Variants in CELF2 observed in about 807,000 individuals in gnomAD.
CELF2 encodes CUG triplet repeat RNA-binding protein 2.
In CELF2, 8 loss-of-function variants were observed where a neutral mutation model predicts 62.6. That is an observed-to-expected ratio of 0.13 (90% CI 0.07 to 0.23). CELF2 has a LOEUF of 0.23. CELF2 is among the 10% of genes least tolerant of loss of function. The pLI, the probability that CELF2 is intolerant of heterozygous loss-of-function variation, is 1.00. For missense variants in CELF2, 333 were observed against 671.0 expected (o/e 0.50, Z 5.56); for synonymous variants, 258 against 250.0 (o/e 1.03, Z -0.30).
chr10:11,042,002 ATAGT>A (rs2061930365), intron 1 of CELF2, among the ~76,000 whole-genome samples: 1 of 152,228 alleles, frequency 6.6e-6, no homozygotes, highest in South Asian at 2.1e-4. Context: ...TTATGGGTAC[ATAGT>A]TAGCCATGGG....
chr10:10,716,104 C>A, the CELF2 span, among the ~76,000 whole-genome samples: 5 of 152,100 alleles, frequency 3.3e-5, no homozygotes, highest in East Asian at 7.7e-4. Context: ...CCTAGGTGGC[C>A]CCTGGATATA....
intron 1 of CELF2, among the ~76,000 whole-genome samples, chr10:11,032,800 AC>A (rs2060335582): frequency 6.6e-6 from 1 of 152,222 alleles, no homozygotes; most frequent in African/African-American, 2.4e-5. Context: ...TCTGTGTCTG[AC>A]AGGATGATAT....
the CELF2 span, among the ~76,000 whole-genome samples, chr10:10,634,168 CTA>C: frequency 2.6e-5 from 4 of 151,934 alleles, no homozygotes; most frequent in Non-Finnish European, 4.4e-5. Context: ...CTATATGATG[CTA>C]TGTTTTTCTA....
chr10:10,729,743 C>T, the CELF2 span, among the ~76,000 whole-genome samples: 13 of 151,982 alleles, frequency 8.6e-5, no homozygotes, highest in Non-Finnish European at 1.5e-4. Context: ...CATGCCACTG[C>T]ACTCCACCCT....
the CELF2 span, among the ~76,000 whole-genome samples, chr10:10,493,090 G>T: frequency 4.6e-5 from 7 of 152,208 alleles, no homozygotes; most frequent in African/African-American, 1.4e-4. Flanking sequence ...AAACTGATAC[G>T]GTCACCCTCT....
At chr10:11,161,415 G>A (rs748604017) in intron 1 of CELF2, among the ~76,000 whole-genome samples, 15 of 152,204 alleles carry the variant, frequency 9.9e-5, no homozygotes, top group Non-Finnish European at 1.9e-4. Flanking sequence ...ACCGAGTTGG[G>A]AAATGTCCAC....
In CELF2 at chr10:11,196,664, A is replaced by C. The variant is rs377675683; in HGVS notation, c.272-20761A>C. The stretch of plus-strand genomic sequence containing the variant: ...CCTCTCTCTTTAAAAAAAACAAAAC[A>C]AAACAAAACAGAACCGGGCGCAGTG... On this transcript the variant is annotated intron_variant, in intron 2 of 12. Transcript: ENST00000633077. Among the ~76,000 whole-genome samples the C allele has an allele frequency of 3.3e-3, 494 of 151,604 alleles. 5 individuals carry two copies. Among genetic ancestry groups the C allele is most frequent in the African/African-American group, 0.011 (463 of 41,244 alleles).
chr10:10,593,348 T>C, the CELF2 span, among the ~76,000 whole-genome samples: 3 of 152,224 alleles, frequency 2.0e-5, no homozygotes, highest in African/African-American at 7.2e-5. Flanking sequence ...AGGTCTCCAG[T>C]AGAATGACTT....
At chr10:11,121,904 A>C (rs1013853171) in intron 1 of CELF2, among the ~76,000 whole-genome samples, 1 of 152,138 alleles carries the variant, frequency 6.6e-6, no homozygotes, top group Non-Finnish European at 1.5e-5. Context: ...TTAACTGAGG[A>C]AATGTACTCC....
intron 1 of CELF2, among the ~76,000 whole-genome samples, chr10:10,911,087 C>A (rs975632251): frequency 6.6e-6 from 1 of 152,220 alleles, no homozygotes; most frequent in Non-Finnish European, 1.5e-5. Context: ...CAGGCCTCCT[C>A]TTCTTGGGTG....
intron 1 of CELF2, among the ~76,000 whole-genome samples, chr10:10,863,365 G>A (rs2060157532): frequency 1.3e-5 from 2 of 152,138 alleles, no homozygotes; most frequent in Admixed American, 1.3e-4. Context: ...ATCAGCACTT[G>A]TTTACTATTT....
chr10:10,766,313 A>C, the CELF2 span, among the ~76,000 whole-genome samples: 5 of 152,162 alleles, frequency 3.3e-5, no homozygotes, highest in African/African-American at 1.2e-4. Context: ...ACACGGAATA[A>C]TGAGGAAATT....
chr10:10,907,475 C>A (rs1445774743), intron 1 of CELF2, among the ~76,000 whole-genome samples: 1 of 152,132 alleles, frequency 6.6e-6, no homozygotes, highest in Non-Finnish European at 1.5e-5. Context: ...TTAATTATAG[C>A]TAACTGTAAT....
At chr10:11,155,699 C>T (rs542085952) in intron 1 of CELF2, among the ~76,000 whole-genome samples, 67 of 152,296 alleles carry the variant, frequency 4.4e-4, no homozygotes, top group Admixed American at 2.3e-3. Context: ...TGTTTTCTCT[C>T]TAAACAACTA....
chr10:10,701,785 G>T, the CELF2 span, among the ~76,000 whole-genome samples: 32 of 152,288 alleles, frequency 2.1e-4, no homozygotes, highest in South Asian at 6.6e-3. Context: ...TTCCATTTCT[G>T]CCATCACCTC....
the CELF2 span, among the ~76,000 whole-genome samples, chr10:10,682,276 G>T: frequency 6.6e-6 from 1 of 152,272 alleles, no homozygotes. Flanking sequence ...ATTCACTGTA[G>T]GTCGGTGAGC....
At position 11,318,618 on chromosome 10, in the gene CELF2, T is replaced by C. The variant is rs2095226248; in HGVS notation, c.1097-2571T>C. 2.6e-6 allele frequency: 1 copy of C among 380,540 alleles called. No individual in the cohort carries two copies. Among genetic ancestry groups the C allele is most frequent in the Non-Finnish European group, 5.3e-6 (1 of 187,402 alleles). 23.6% of individuals were successfully genotyped at this position (380,540 alleles called of 1,614,324 possible). A position where few individuals can be genotyped will look rare whatever the true frequency, so the allele number is the denominator to read the frequency against. On this transcript the variant is annotated intron_variant, in intron 10 of 12. Coordinates refer to ENST00000633077, the MANE Select transcript of CELF2 (RefSeq NM_001326342.2). The surrounding 1 kb of genome is among the most constrained non-coding windows in gnomAD (Gnocchi z 5.4). ...ATGTCACTGGCTGGAGCTCCAAGCCTCACAATACCCTCTGAAACATCCATC... is the reference window on the plus strand; with the variant it reads ...ATGTCACTGGCTGGAGCTCCAAGCCCCACAATACCCTCTGAAACATCCATC...
the CELF2 span, among the ~76,000 whole-genome samples, chr10:10,504,128 A>T: frequency 6.6e-6 from 1 of 152,096 alleles, no homozygotes; most frequent in African/African-American, 2.4e-5. Flanking sequence ...TTTAAAACTT[A>T]AGGAAATCCA....
intron 1 of CELF2, among the ~76,000 whole-genome samples, chr10:10,908,814 G>C (rs1016364279): frequency 6.6e-6 from 1 of 152,146 alleles, no homozygotes; most frequent in Non-Finnish European, 1.5e-5. Context: ...TTGAGATGTA[G>C]TCTTGCCCTG....
Sources: gnomAD v4.1 joint callset for allele counts (sites outside exome capture counted in the v4.1 genomes callset) on GRCh38, gnomAD v4.1.1 for gene constraint, Gnocchi (gnomAD v3.1) non-coding constraint, MANE v1.5 for transcripts, NCBI Gene and HGNC (gene_info 2026-07-23, HGNC 2026-07-21) for gene names.